The following MYBBP1A variants were observed in gnomAD, a reference collection of about 807,000 sequenced individuals.
MYBBP1A encodes MYB binding protein 1a, also known as myb-binding protein 1A.
MYBBP1A carries 147 observed loss-of-function variants against 136.3 expected under a neutral mutation model. The observed-to-expected ratio is 1.08, with a 90% CI of 0.94 to 1.24. The LOEUF (loss-of-function observed/expected upper bound fraction) is 1.24. Among genes scored for constraint, MYBBP1A ranks in the 50% most tolerant of loss-of-function variants. The pLI, the probability that MYBBP1A is intolerant of heterozygous loss-of-function variation, is 0.00. For synonymous variants in MYBBP1A, 947 were observed against 735.8 expected, an observed-to-expected ratio of 1.29 and a Z score of -4.65; for missense variants, 2,060 against 1,727.4, an observed-to-expected ratio of 1.19 and a Z score of -3.41.
At position 4,552,774 on chromosome 17, in the gene MYBBP1A, C is replaced by T. The variant is rs1342806812; in HGVS notation, c.562-148G>A. 6.7e-6 allele frequency: 5 copies of T among 742,086 alleles called. No homozygotes were observed. Among genetic ancestry groups the T allele is most frequent in the East Asian group, 5.6e-5 (2 of 35,932 alleles). The allele number at this position is 742,086 out of a possible 1,614,324, so 46.0% of individuals were successfully genotyped here. A position where few individuals can be genotyped will look rare whatever the true frequency, so the allele number is the denominator to read the frequency against. ...TAACAAAACTCAAATTCCCAGGCAG[C>T]GGGGTTTTTGACAAGCATCCCACTG... On this transcript the variant is annotated intron_variant, in intron 5 of 25. Transcript: ENST00000254718. The surrounding 1 kb of genome is among the most constrained non-coding windows in gnomAD (Gnocchi z 4.7).
chr17:4,540,591 G>T, intron 24 of MYBBP1A, 107 bp from the exon 25 acceptor site: 1 of 1,335,586 alleles, frequency 7.5e-7, no homozygotes, highest in Non-Finnish European at 9.8e-7. Context: ...AGTGACCCCT[G>T]CCCCTTCCTG....
intron 2 of MYBBP1A, among the ~76,000 whole-genome samples, 195 bp from the exon 3 acceptor site, chr17:4,554,473 G>A (rs940284888): frequency 2.0e-5 from 3 of 152,028 alleles, no homozygotes; most frequent in Non-Finnish European, 2.9e-5. Context: ...CTCTCCGCAC[G>A]TGGTCTGAGC....
chr17:4,549,668 T>C lies in MYBBP1A; in HGVS notation c.1320-226A>G, dbSNP rs762290242. On this transcript the variant is annotated intron_variant, in intron 9 of 25. Coordinates refer to ENST00000254718, the MANE Select transcript of MYBBP1A (RefSeq NM_014520.4). ...GGCGGGTGCCTGTAGTCCCAGCTAC[T>C]GGAGAGGCTGAGGCAGAGAATCACT... Among the ~76,000 whole-genome samples, 4 of 150,634 alleles carry C rather than the reference T, an allele frequency of 2.7e-5. No individual in the cohort carries two copies. The East Asian group carries it at 7.9e-4, about 30-fold the overall frequency.
At chr17:4,550,436 G>GCAACAGCC (rs372114838) in intron 8 of MYBBP1A, 83 bp from the exon 9 acceptor site, 429 of 1,493,246 alleles carry the variant, frequency 2.9e-4, no homozygotes, top group East Asian at 1.7e-3. Flanking sequence ...GGGCAGGCGG[G>GCAACAGCC]CAACAGCCCA....
At position 4,541,543 on chromosome 17, in the gene MYBBP1A, C is replaced by A. The variant is rs1465446279; in HGVS notation, c.3217G>T (p.Ala1073Ser). The A allele has an allele frequency of 6.2e-7, 1 of 1,613,032 alleles. No individual in the cohort carries two copies. ...VTENLRVLGE[A>S]QTKAQHQQAL... ...TGCTGATGCTGCGCCTTGGTCTGCG[C>A]CTCCCCCAGCACGCGCAAGTTCTAG... is the stretch of plus-strand genomic sequence containing the variant. Residue 1073 changes from alanine to serine, a missense_variant, in exon 24 of 26, where the codon GCG becomes TCG. Coordinates refer to ENST00000254718, the MANE Select transcript of MYBBP1A (RefSeq NM_014520.4).
intron 13 of MYBBP1A, chr17:4,547,731 G>A (rs986756392): frequency 1.5e-5 from 7 of 471,270 alleles, no homozygotes; most frequent in African/African-American, 9.9e-5. Context: ...CCTCAAAGCT[G>A]TGGGGATTAC....
Position 4,548,323 on chromosome 17 carries a change from T to TG in MYBBP1A, c.1557-14dup. On this transcript the variant is annotated splice_polypyrimidine_tract_variant and intron_variant, in intron 11 of 25. Transcript: ENST00000254718. This position sits in a 1 kb window ranked among gnomAD's most constrained non-coding sequence, Gnocchi z 4.2. ...GGTCTGCAACAGACTGGGCAAGGGA[T>TG]GGGGCTTGGGGTCAGCAGACCAGAT... 1 of 1,610,528 alleles carries TG rather than the reference T, an allele frequency of 6.2e-7. No individual in the cohort carries two copies. The highest frequency in any genetic ancestry group is 8.5e-7 in the Non-Finnish European group (1 of 1,179,144).
At position 4,539,924 on chromosome 17, in the gene MYBBP1A, C is replaced by T. The variant is rs1906207772; in HGVS notation, c.3478G>A (p.Ala1160Thr). The T allele has an allele frequency of 1.3e-6, 2 of 1,599,692 alleles. No homozygotes were observed. The highest frequency in any genetic ancestry group is 1.1e-5 in the South Asian group (1 of 91,082). The change falls in exon 26 of 26, where the codon GCC becomes ACC. Residue 1160 changes from alanine (A) to threonine (T), a missense_variant. Physicochemically the swap from Ala to Thr is moderately conservative, Grantham distance 58. Transcript: ENST00000254718. The stretch of plus-strand genomic sequence containing the variant: ...TTCTTACTGATGGGGCTCTGGGTGG[C>T]ACTGGGGATCTCCTTGGCATCCTTC... ...EKKDAKEIPS[A>T]TQSPISKKRK...
Position 4,545,637 on chromosome 17 carries a change from G to T in MYBBP1A, c.2046C>A (p.Thr682=). ...SVFGHICSHL[T]PRALQLILDV... ...CCAGAATTAGCTGCAGGGCACGCGGGGTCAGGTGGGAGCAGATGTGGCCAA... is the reference window on the plus strand; with the variant it reads ...CCAGAATTAGCTGCAGGGCACGCGGTGTCAGGTGGGAGCAGATGTGGCCAA... The change falls in exon 15 of 26, where the codon ACC becomes ACA. Residue 682 remains threonine (T), a synonymous_variant. Transcript: ENST00000254718. 6.2e-7 allele frequency: 1 copy of T among 1,602,898 alleles called. No individual in the cohort carries two copies. Among genetic ancestry groups the T allele is most frequent in the South Asian group, 1.1e-5 (1 of 90,476 alleles).
intron 9 of MYBBP1A, 137 bp from the exon 10 acceptor site, chr17:4,549,579 C>G: frequency 1.5e-6 from 1 of 651,156 alleles, no homozygotes; most frequent in Non-Finnish European, 2.6e-6. Context: ...GAGTTCGAGA[C>G]CAGCCTGACC....
Position 4,545,449 on chromosome 17 carries a change from G to A in MYBBP1A, c.2074-104C>T, listed in dbSNP as rs1040135656. ...CCTCCATTTCCCAGAAGAAAACGGA[G>A]CCTAGGAGAGGCGGCCAGGCCAGGC... On this transcript the variant is annotated intron_variant, in intron 15 of 25. Transcript: ENST00000254718. The A allele has an allele frequency of 1.4e-5, 22 of 1,535,302 alleles. No homozygotes were observed. The African/African-American group carries it at 3.0e-4, about 21-fold the overall frequency.
rs1433487118 is a variant in MYBBP1A at position 4,539,692 on chromosome 17, G to A, written c.3710C>T (p.Ala1237Val). ...AGGGGTGCTGGGGCTCCGGGTGGGG[G>A]CGCCAGGGGCTGGACTCTTGGTGGT... Reference protein sequence around the residue: ...TPTTKSPAPGAPTRSPSTPAK... With the variant: ...TPTTKSPAPGVPTRSPSTPAK... The change falls in exon 26 of 26, where the codon GCC becomes GTC. Residue 1237 changes from alanine to valine, a missense_variant. Transcript: ENST00000254718. 3 of 1,608,298 alleles carry A rather than the reference G, an allele frequency of 1.9e-6. No homozygotes were observed. In the Admixed American group the frequency reaches 5.0e-5, roughly 27 times the overall value.
At position 4,539,582 on chromosome 17, in the gene MYBBP1A, G is replaced by A. The variant is rs2144406244; in HGVS notation, c.3820C>T (p.Gln1274Ter). 4 of 1,614,096 alleles carry A rather than the reference G, an allele frequency of 2.5e-6. No individual in the cohort carries two copies. The highest frequency in any genetic ancestry group is 3.4e-6 in the Non-Finnish European group (4 of 1,180,014). ...GGAAGAGCCTTCTGATGCTGCTTTT[G>A]GCCTGCAGGTTCCGTGGGGGACCCG... ...APGSPTEPAG[Q>*]KQHQKALPKK... is the part of the protein sequence containing the mutation. The change falls in exon 26 of 26, where the codon CAA becomes TAA. Residue 1274 changes from glutamine to a stop codon, truncating the protein, a stop_gained. Transcript: ENST00000254718. LOFTEE classifies it low-confidence loss of function (END_TRUNC).
At chr17:4,549,180 T>A in intron 10 of MYBBP1A, 152 bp downstream of exon 10, 1 of 659,470 alleles carries the variant, frequency 1.5e-6, no homozygotes, top group Non-Finnish European at 2.6e-6. Flanking sequence ...CACGGGTTCC[T>A]GAGGAATTCC....
intron 24 of MYBBP1A, 30 bp from the exon 25 acceptor site, chr17:4,540,514 G>A (rs746617111): frequency 6.3e-7 from 1 of 1,579,052 alleles, no homozygotes; most frequent in East Asian, 2.3e-5. Context: ...AGAGCTGTGG[G>A]GCCACAGAGG....
chr17:4,541,687 C>G, intron 23 of MYBBP1A, 97 bp downstream of exon 23: 1 of 1,440,894 alleles, frequency 6.9e-7, no homozygotes, highest in Middle Eastern at 1.7e-4. Flanking sequence ...TCTCCCGACT[C>G]TGGACTCAGG....
chr17:4,555,214 G>T lies in MYBBP1A; in HGVS notation c.111C>A (p.Asp37Glu), dbSNP rs200794495. The T allele has an allele frequency of 6.2e-7, 1 of 1,611,686 alleles. No homozygotes were observed. The highest frequency in any genetic ancestry group is 2.2e-5 in the East Asian group (1 of 44,842). ...CAGGCTTCGCAATGTCCCAGAAGAA[G>T]TCCAAGAACTCGCGACTGTGCTTCA... ...GLLKHSREFL[D>E]FFWDIAKPEQ... Residue 37 changes from aspartate (D) to glutamate (E), a missense_variant, in exon 1 of 26, where the codon GAC becomes GAA. Physicochemically the swap from Asp to Glu is conservative, Grantham distance 45 (BLOSUM62 2). Transcript: ENST00000254718.
Position 4,539,465 on chromosome 17 carries a change from GAA to G in MYBBP1A, c.3935_3936del (p.Leu1312ProfsTer32), listed in dbSNP as rs772759463. On this transcript the variant is annotated frameshift_variant, in exon 26 of 26. Coordinates refer to ENST00000254718, the MANE Select transcript of MYBBP1A (RefSeq NM_014520.4). LOFTEE classifies it low-confidence loss of function (END_TRUNC). Reference sequence around the variant, plus strand: ...TGTGCTTTCTTCTTGGCCCCACTCTGAAGCAGGCTGGGACTCCTGATGACCAA... The same window carrying G: ...TGTGCTTTCTTCTTGGCCCCACTCTGGCAGGCTGGGACTCCTGATGACCAA... Reference protein sequence around the residue: ...LSLVIRSPSLLQSGAKKKAQV... With the variant: ...LSLVIRSPSLXQSGAKKKAQV... 3 of 1,614,082 alleles carry G rather than the reference GAA, an allele frequency of 1.9e-6. No individual in the cohort carries two copies. Among genetic ancestry groups the G allele is most frequent in the Non-Finnish European group, 2.5e-6 (3 of 1,180,016 alleles).
At position 4,544,892 on chromosome 17, in the gene MYBBP1A, C is replaced by A; in HGVS notation, c.2340G>T (p.Glu780Asp). 2 of 1,605,900 alleles carry A rather than the reference C, an allele frequency of 1.2e-6. No individual in the cohort carries two copies. Among genetic ancestry groups the A allele is most frequent in the South Asian group, 2.2e-5 (2 of 89,600 alleles). The change falls in exon 18 of 26, where the codon GAG becomes GAT. Residue 780 changes from glutamate (E) to aspartate (D), a missense_variant. By Grantham distance (45) the Glu-to-Asp change is conservative. Coordinates refer to ENST00000254718, the MANE Select transcript of MYBBP1A (RefSeq NM_014520.4). ...GGGCCATCATGGCCTCATCCCCCAG[C>A]TCCTCCTCGTTCTCACTGTCCTCTC... is the stretch of plus-strand genomic sequence containing the variant. Reference protein sequence around the residue: ...LGGEDSENEEELGDEAMMALD... With the variant: ...LGGEDSENEEDLGDEAMMALD...
Sources: allele counts gnomAD v4.1 joint callset (sites outside exome capture counted in the v4.1 genomes callset), GRCh38; gene constraint gnomAD v4.1.1; non-coding constraint Gnocchi (gnomAD v3.1); transcripts MANE v1.5; gene names NCBI Gene and HGNC (gene_info 2026-07-23, HGNC 2026-07-21).